Variants in CNTN5 observed in about 807,000 individuals in gnomAD.
The protein encoded by CNTN5 is contactin 5.
In CNTN5, 77 loss-of-function variants were observed where a neutral mutation model predicts 129.1. That is an observed-to-expected ratio of 0.60 (90% CI 0.50 to 0.72). The LOEUF (loss-of-function observed/expected upper bound fraction) is 0.72. Among genes scored for constraint, CNTN5 ranks in the 30% least tolerant of loss-of-function variants. The pLI is 0.00. For missense variants in CNTN5, 1,478 were observed against 1,328.8 expected (o/e 1.11, Z -1.75); for synonymous variants, 509 against 465.6 (o/e 1.09, Z -1.20).
intron 2 of CNTN5, among the ~76,000 whole-genome samples, chr11:99,344,689 C>T (rs560732788): frequency 1.3e-5 from 2 of 152,236 alleles, no homozygotes; most frequent in Admixed American, 6.5e-5. Flanking sequence ...CAGTGAAGCT[C>T]GTGATCTCTG....
intron 6 of CNTN5, among the ~76,000 whole-genome samples, chr11:99,848,676 A>C (rs1230897781): frequency 6.6e-6 from 1 of 152,086 alleles, no homozygotes; most frequent in African/African-American, 2.4e-5. Flanking sequence ...TGCATATGTT[A>C]CTCAGTTTAT....
intron 6 of CNTN5, among the ~76,000 whole-genome samples, chr11:99,880,636 C>T (rs564378470): frequency 6.6e-6 from 1 of 152,300 alleles, no homozygotes; most frequent in East Asian, 1.9e-4. Flanking sequence ...TATAAAAAAT[C>T]TGTAGACACC....
chr11:100,055,074 CA>C (rs1565833479), intron 9 of CNTN5, among the ~76,000 whole-genome samples: 1 of 140,094 alleles, frequency 7.1e-6, no homozygotes, highest in South Asian at 2.3e-4. Flanking sequence ...TCCAGGAGAC[CA>C]AAAAAACAAA....
chr11:99,790,563 A>C (rs968655980), intron 3 of CNTN5, among the ~76,000 whole-genome samples: 4 of 152,112 alleles, frequency 2.6e-5, no homozygotes, highest in African/African-American at 9.7e-5. Context: ...TTCTTTACCC[A>C]GTCTACCATT....
chr11:99,650,059 AAG>A (rs777820755), intron 3 of CNTN5, among the ~76,000 whole-genome samples: 1 of 151,776 alleles, frequency 6.6e-6, no homozygotes, highest in Non-Finnish European at 1.5e-5. Context: ...AAGACATAAA[AAG>A]AGTATTTTTT....
At chr11:99,748,186 T>C (rs897955693) in intron 3 of CNTN5, among the ~76,000 whole-genome samples, 2 of 152,206 alleles carry the variant, frequency 1.3e-5, no homozygotes, top group African/African-American at 4.8e-5. Flanking sequence ...TGTATTCTTA[T>C]CTGGCTTTGG....
intron 2 of CNTN5, among the ~76,000 whole-genome samples, chr11:99,375,302 C>CAAAAA (rs397848951): frequency 0.019 from 1,027 of 53,474 alleles, 59 homozygotes; most frequent in East Asian, 0.045. Flanking sequence ...GAGTCTGTCT[C>CAAAAA]AAAAAAAAAA....
intron 1 of CNTN5, among the ~76,000 whole-genome samples, chr11:99,133,080 C>T (rs1012064640): frequency 4.6e-5 from 7 of 151,932 alleles, no homozygotes; most frequent in East Asian, 3.9e-4. Context: ...AGAATGGAAT[C>T]GAGAACCCAG....
intron 8 of CNTN5, among the ~76,000 whole-genome samples, chr11:99,962,857 G>C (rs4618402): frequency 2.7e-5 from 4 of 150,486 alleles, no homozygotes; most frequent in African/African-American, 9.9e-5. Context: ...ATTCTAACTG[G>C]TGTGAGATGA....
intron 1 of CNTN5, among the ~76,000 whole-genome samples, chr11:99,215,478 C>T (rs1860068573): frequency 6.6e-6 from 1 of 152,002 alleles, no homozygotes; most frequent in African/African-American, 2.4e-5. Flanking sequence ...TTGGAAGAGG[C>T]TAAAAGGACT....
intron 9 of CNTN5, among the ~76,000 whole-genome samples, chr11:100,037,330 G>C (rs1441690300): frequency 1.3e-5 from 2 of 151,896 alleles, no homozygotes. Context: ...ACTTGATCTT[G>C]GTGGATAAGC....
chr11:99,068,784 G>T (rs1865212282), intron 1 of CNTN5, among the ~76,000 whole-genome samples: 1 of 152,096 alleles, frequency 6.6e-6, no homozygotes, highest in Non-Finnish European at 1.5e-5. Context: ...TCACAATATG[G>T]GTGACTGAGT....
At position 99,023,962 on chromosome 11, in the gene CNTN5, C is replaced by T. The variant is rs566191911; in HGVS notation, c.-210+2692C>T. 3.0e-4 allele frequency among the ~76,000 whole-genome samples: 45 copies of T among 152,156 alleles called. No homozygotes were observed. The South Asian group carries it at 8.3e-3, about 28-fold the overall frequency. ...ATGTTTCTCACAAGATGTTAAGAAC[C>T]GTGTTGTAAGGCTGTGCTAACATGT... On this transcript the variant is annotated intron_variant, in intron 1 of 24. Transcript: ENST00000524871.
chr11:100,095,073 G>A (rs1488751401), intron 13 of CNTN5, among the ~76,000 whole-genome samples: 3 of 152,068 alleles, frequency 2.0e-5, no homozygotes, highest in East Asian at 3.9e-4. Flanking sequence ...ATTGTAGCAC[G>A]ATTTCTCCAC....
chr11:99,066,418 C>G (rs186408159), intron 1 of CNTN5, among the ~76,000 whole-genome samples: 112 of 152,140 alleles, frequency 7.4e-4, no homozygotes, highest in African/African-American at 2.6e-3. Context: ...AATATTTATT[C>G]TAATGGCCAT....
At chr11:100,181,871 G>A (rs1272182401) in intron 13 of CNTN5, among the ~76,000 whole-genome samples, 1 of 152,012 alleles carries the variant, frequency 6.6e-6, no homozygotes, top group African/African-American at 2.4e-5. Context: ...GACCTAAATA[G>A]ATGGAGTTAT....
intron 7 of CNTN5, among the ~76,000 whole-genome samples, chr11:99,941,059 A>C (rs746270125): frequency 6.6e-6 from 1 of 152,264 alleles, no homozygotes; most frequent in Non-Finnish European, 1.5e-5. Flanking sequence ...TCATTTAAAA[A>C]TTTTATACGT....
intron 1 of CNTN5, among the ~76,000 whole-genome samples, chr11:99,293,352 T>C (rs576785697): frequency 1.3e-5 from 2 of 152,318 alleles, no homozygotes; most frequent in African/African-American, 4.8e-5. Flanking sequence ...TGAGAATTTT[T>C]GCATCTATCT....
chr11:99,203,655 T>A (rs1466316252), intron 1 of CNTN5, among the ~76,000 whole-genome samples: 2 of 152,052 alleles, frequency 1.3e-5, no homozygotes, highest in Non-Finnish European at 2.9e-5. Flanking sequence ...AATGGCGTGA[T>A]CTCGGCTCAC....
Sources: allele counts gnomAD v4.1 joint callset (sites outside exome capture counted in the v4.1 genomes callset), GRCh38; gene constraint gnomAD v4.1.1; transcripts MANE v1.5; gene names NCBI Gene and HGNC (gene_info 2026-07-23, HGNC 2026-07-21).